DEUP1: variants seen among roughly 807,000 people sequenced by gnomAD.
DEUP1 encodes deuterosome assembly protein 1, also known as coiled-coil domain containing 67.
DEUP1 carries 82 observed loss-of-function variants against 87.4 expected under a neutral mutation model. The observed-to-expected ratio is 0.94, with a 90% CI of 0.78 to 1.13. The LOEUF (loss-of-function observed/expected upper bound fraction) is 1.13. Among genes scored for constraint, DEUP1 ranks in the 50% most tolerant of loss-of-function variants. DEUP1 has a pLI of 0.00. For synonymous variants in DEUP1, 214 were observed against 222.7 expected, an observed-to-expected ratio of 0.96 and a Z score of 0.35; for missense variants, 663 against 681.5, an observed-to-expected ratio of 0.97 and a Z score of 0.30.
At chr11:93,395,327 A>G (rs1407181915) in intron 10 of DEUP1, among the ~76,000 whole-genome samples, 6 of 152,170 alleles carry the variant, frequency 3.9e-5, no homozygotes, top group Admixed American at 3.3e-4. Context: ...CCCCAAATCT[A>G]AAGGTTTTGA....
At chr11:93,357,976 G>T (rs1244493687) in intron 4 of DEUP1, among the ~76,000 whole-genome samples, 1 of 152,104 alleles carries the variant, frequency 6.6e-6, no homozygotes, top group Non-Finnish European at 1.5e-5. Context: ...GTTTTTACTA[G>T]CTTAGACTCT....
chr11:93,382,076 A>C (rs185469741), intron 7 of DEUP1, among the ~76,000 whole-genome samples: 73 of 152,282 alleles, frequency 4.8e-4, no homozygotes, highest in Non-Finnish European at 2.1e-4. Flanking sequence ...TTCCAAACAA[A>C]CTTGAAAATG....
At chr11:93,383,586 T>C in intron 7 of DEUP1, 1 of 670,142 alleles carries the variant, frequency 1.5e-6, no homozygotes, top group South Asian at 1.7e-5. Context: ...TGCTGGATTG[T>C]ACACTTTAAA....
chr11:93,354,706 C>G (rs1292225209), intron 2 of DEUP1, among the ~76,000 whole-genome samples: 1 of 152,200 alleles, frequency 6.6e-6, no homozygotes, highest in Non-Finnish European at 1.5e-5. Flanking sequence ...CTTATCAGAT[C>G]TCATGAGACT....
At chr11:93,335,419 T>C (rs1943707553) in intron 2 of DEUP1, among the ~76,000 whole-genome samples, 1 of 152,222 alleles carries the variant, frequency 6.6e-6, no homozygotes, top group Admixed American at 6.5e-5. Flanking sequence ...TTTTAATTGT[T>C]GTTATTATGT....
At chr11:93,376,830 T>C (rs1342124460) in intron 7 of DEUP1, among the ~76,000 whole-genome samples, 1 of 152,200 alleles carries the variant, frequency 6.6e-6, no homozygotes, top group East Asian at 1.9e-4. Flanking sequence ...CTATTATCGT[T>C]CAGTTCAAAG....
At chr11:93,380,984 T>C (rs1007313492) in intron 7 of DEUP1, among the ~76,000 whole-genome samples, 1 of 152,166 alleles carries the variant, frequency 6.6e-6, no homozygotes, top group Non-Finnish European at 1.5e-5. Flanking sequence ...GTTCAAAAAC[T>C]TTAAGATGTC....
chr11:93,341,402 T>C (rs1944067493), intron 2 of DEUP1, among the ~76,000 whole-genome samples: 1 of 152,206 alleles, frequency 6.6e-6, no homozygotes, highest in Non-Finnish European at 1.5e-5. Flanking sequence ...CCTGCCATGA[T>C]TCTGAGGCCT....
intron 10 of DEUP1, 100 bp from the exon 11 acceptor site, chr11:93,396,139 A>G (rs1211297202): frequency 8.1e-6 from 6 of 739,984 alleles, no homozygotes; most frequent in Non-Finnish European, 1.2e-5. Context: ...GTTTCCCTTC[A>G]TTACACTTAG....
intron 2 of DEUP1, among the ~76,000 whole-genome samples, chr11:93,344,169 C>G (rs1468439752): frequency 6.6e-6 from 1 of 152,108 alleles, no homozygotes; most frequent in Admixed American, 6.6e-5. Context: ...AAAGAGCAGA[C>G]TGACATCACA....
intron 11 of DEUP1, among the ~76,000 whole-genome samples, chr11:93,405,226 G>A (rs1330365098): frequency 1.3e-5 from 2 of 151,710 alleles, no homozygotes; most frequent in Non-Finnish European, 3.0e-5. Context: ...CTGCCCATAT[G>A]GTTATTTTTC....
chr11:93,413,306 A>G (rs1019474554), intron 12 of DEUP1, among the ~76,000 whole-genome samples: 1 of 149,990 alleles, frequency 6.7e-6, no homozygotes, highest in African/African-American at 2.5e-5. Flanking sequence ...CAGTGGCGCA[A>G]TCTCGGCTCA....
intron 4 of DEUP1, 30 bp downstream of exon 4, chr11:93,357,073 C>A: frequency 7.7e-7 from 1 of 1,293,366 alleles, no homozygotes; most frequent in Non-Finnish European, 1.1e-6. Flanking sequence ...TTTAATATCA[C>A]ACATTTTGAT....
intron 12 of DEUP1, among the ~76,000 whole-genome samples, chr11:93,414,783 TAA>T (rs1947554761): frequency 6.6e-6 from 1 of 152,178 alleles, no homozygotes; most frequent in South Asian, 2.1e-4. Flanking sequence ...TAACAGTTGT[TAA>T]GTTTTCTGCT....
intron 12 of DEUP1, among the ~76,000 whole-genome samples, chr11:93,414,200 A>G (rs1484660910): frequency 1.3e-5 from 2 of 152,120 alleles, no homozygotes; most frequent in Non-Finnish European, 2.9e-5. Flanking sequence ...ATCAAAATCT[A>G]TAGAAATTAG....
At chr11:93,379,235 C>A (rs1201189133) in intron 7 of DEUP1, among the ~76,000 whole-genome samples, 3 of 152,104 alleles carry the variant, frequency 2.0e-5, no homozygotes, top group African/African-American at 7.2e-5. Context: ...GAAGTGGCTA[C>A]TTTTACACCT....
intron 4 of DEUP1, among the ~76,000 whole-genome samples, chr11:93,363,084 G>T (rs1329142491): frequency 1.3e-5 from 2 of 151,852 alleles, no homozygotes; most frequent in African/African-American, 4.8e-5. Context: ...AGGAATTCAT[G>T]CATGGCTTTC....
At chr11:93,338,500 G>A (rs1245070374) in intron 2 of DEUP1, among the ~76,000 whole-genome samples, 1 of 151,330 alleles carries the variant, frequency 6.6e-6, no homozygotes, top group African/African-American at 2.4e-5. Flanking sequence ...TCAGCCTCCT[G>A]GGCTCAAGCA....
intron 13 of DEUP1, among the ~76,000 whole-genome samples, chr11:93,418,660 G>T (rs1481364820): frequency 6.6e-6 from 1 of 151,938 alleles, no homozygotes; most frequent in Non-Finnish European, 1.5e-5. Context: ...AATACCATTT[G>T]ACCCAGCCAT....
Sources: gnomAD v4.1 joint callset for allele counts (sites outside exome capture counted in the v4.1 genomes callset) on GRCh38, gnomAD v4.1.1 for gene constraint, MANE v1.5 for transcripts, NCBI Gene and HGNC (gene_info 2026-07-23, HGNC 2026-07-21) for gene names.